SEMA6D: variants seen among roughly 807,000 people sequenced by gnomAD.
SEMA6D encodes the protein semaphorin 6D, also known as semaphorin-6D.
SEMA6D carries 35 observed loss-of-function variants against 106.6 expected under a neutral mutation model. That is an observed-to-expected ratio of 0.33 (90% CI 0.25 to 0.44). SEMA6D has a LOEUF of 0.44. SEMA6D is among the 20% of genes least tolerant of loss of function. SEMA6D has a pLI of 1.00. For missense variants in SEMA6D, 1,185 were observed against 1,345.9 expected (o/e 0.88, Z 1.87); for synonymous variants, 499 against 487.7 (o/e 1.02, Z -0.31).
At position 47,772,070 on chromosome 15, in the gene SEMA6D, G is replaced by T. The variant is rs1165954621; in HGVS notation, c.*285G>T. ...ACAGGGGCTACCTTACCAGTATAAA[G>T]AGCTGATAACAGTACTCAGAAGAAT... On this transcript the variant is annotated 3_prime_UTR_variant, in exon 19 of 19. Transcript: ENST00000536845. The T allele has an allele frequency of 1.0e-4, 41 of 396,298 alleles. No individual in the cohort carries two copies. In the East Asian group the frequency reaches 1.6e-3, roughly 16 times the overall value. The allele number at this position is 396,298 out of a possible 1,614,324, so 24.5% of individuals were successfully genotyped here. A position where few individuals can be genotyped will look rare whatever the true frequency, so the allele number is the denominator to read the frequency against.
chr15:47,572,256 A>G (rs958881993), intron 3 of SEMA6D, among the ~76,000 whole-genome samples: 1 of 152,162 alleles, frequency 6.6e-6, no homozygotes, highest in Non-Finnish European at 1.5e-5. Context: ...ATATCAAATG[A>G]GGTTTATAGG....
chr15:47,297,247 T>A (rs2035840168), intron 1 of SEMA6D, among the ~76,000 whole-genome samples: 1 of 152,200 alleles, frequency 6.6e-6, no homozygotes, highest in Non-Finnish European at 1.5e-5. Context: ...AAAACATTTT[T>A]ATGATTTCTC....
At chr15:47,385,590 A>G (rs1384481146) in intron 1 of SEMA6D, among the ~76,000 whole-genome samples, 1 of 152,186 alleles carries the variant, frequency 6.6e-6, no homozygotes. Context: ...CTCAAAGCGT[A>G]CAGGTCCAGA....
At chr15:47,370,685 A>T (rs1310593851) in intron 1 of SEMA6D, among the ~76,000 whole-genome samples, 1 of 19,052 alleles carries the variant, frequency 5.2e-5, no homozygotes, top group Non-Finnish European at 1.9e-4. Flanking sequence ...TCTCTACTTA[A>T]AAAAAAAAAA....
intron 1 of SEMA6D, among the ~76,000 whole-genome samples, chr15:47,288,821 C>T (rs1018437326): frequency 1.3e-5 from 2 of 152,200 alleles, no homozygotes; most frequent in Non-Finnish European, 2.9e-5. Flanking sequence ...CACTCCACAG[C>T]CCACACTCTT....
intron 3 of SEMA6D, among the ~76,000 whole-genome samples, chr15:47,517,042 CTTGTT>C (rs1313418215): frequency 6.6e-6 from 1 of 152,126 alleles, no homozygotes; most frequent in Non-Finnish European, 1.5e-5. Context: ...GTGCTACTCT[CTTGTT>C]TTGTAGCTTC....
chr15:47,731,725 C>T (rs2080136935), intron 1 of SEMA6D, among the ~76,000 whole-genome samples: 1 of 152,136 alleles, frequency 6.6e-6, no homozygotes, highest in South Asian at 2.1e-4. Flanking sequence ...CACAATTATT[C>T]CTGCTGTCTT....
At chr15:47,403,317 C>A (rs1444917742) in intron 1 of SEMA6D, among the ~76,000 whole-genome samples, 1 of 152,112 alleles carries the variant, frequency 6.6e-6, no homozygotes, top group Admixed American at 6.6e-5. Context: ...GAGGAGAAGA[C>A]CCCAGCAATG....
intron 1 of SEMA6D, among the ~76,000 whole-genome samples, chr15:47,369,678 T>A (rs2039198020): frequency 6.6e-6 from 1 of 152,224 alleles, no homozygotes; most frequent in Non-Finnish European, 1.5e-5. Context: ...AGAATTGTGT[T>A]GGATTACCAG....
intron 1 of SEMA6D, among the ~76,000 whole-genome samples, chr15:47,316,065 T>A (rs2036657732): frequency 6.6e-6 from 1 of 150,576 alleles, no homozygotes; most frequent in Non-Finnish European, 1.5e-5. Flanking sequence ...AAGGACAGTT[T>A]TATTTCTTGC....
chr15:47,215,353 A>T (rs983511489), intron 1 of SEMA6D, among the ~76,000 whole-genome samples: 2 of 151,920 alleles, frequency 1.3e-5, no homozygotes. Flanking sequence ...CAGATATATT[A>T]AAGGGGGTTG....
At chr15:47,515,961 G>A (rs2044374598) in intron 3 of SEMA6D, among the ~76,000 whole-genome samples, 1 of 152,120 alleles carries the variant, frequency 6.6e-6, no homozygotes, top group African/African-American at 2.4e-5. Flanking sequence ...CTATAATTTG[G>A]GTGGGTCTGA....
chr15:47,653,842 A>G (rs1159897927), intron 4 of SEMA6D, among the ~76,000 whole-genome samples: 1 of 152,208 alleles, frequency 6.6e-6, no homozygotes, highest in East Asian at 1.9e-4. Context: ...CGAATGGAAA[A>G]TTAATCAGGG....
At chr15:47,558,058 C>A (rs918647871) in intron 3 of SEMA6D, among the ~76,000 whole-genome samples, 13 of 152,064 alleles carry the variant, frequency 8.5e-5, no homozygotes, top group African/African-American at 2.7e-4. Context: ...GTCCGTAGAC[C>A]TCTGATACTC....
chr15:47,737,145 A>C (rs1021247532), intron 1 of SEMA6D, among the ~76,000 whole-genome samples: 1 of 152,196 alleles, frequency 6.6e-6, no homozygotes, highest in Admixed American at 6.5e-5. Context: ...TTTAGCTGAA[A>C]TCTCTTAATT....
chr15:47,665,896 T>C (rs927164587), intron 4 of SEMA6D, among the ~76,000 whole-genome samples: 1 of 152,246 alleles, frequency 6.6e-6, no homozygotes, highest in African/African-American at 2.4e-5. Flanking sequence ...ACTCCCATTT[T>C]TGCAGATGAA....
intron 1 of SEMA6D, chr15:47,274,373 AG>A (rs934693079): frequency 3.3e-5 from 5 of 152,212 alleles, no homozygotes; most frequent in Admixed American, 1.3e-4. Flanking sequence ...TTCATTAACC[AG>A]TATATAAAGA....
chr15:47,294,805 T>C (rs2035740866), intron 1 of SEMA6D, among the ~76,000 whole-genome samples: 1 of 152,186 alleles, frequency 6.6e-6, no homozygotes. Context: ...ATGTATACGT[T>C]GTTTAAATGT....
intron 1 of SEMA6D, among the ~76,000 whole-genome samples, chr15:47,219,770 C>T (rs1260756456): frequency 1.3e-5 from 2 of 152,198 alleles, no homozygotes; most frequent in South Asian, 2.1e-4. Context: ...GTATTTAGCT[C>T]ATAATTATGT....
Sources: gnomAD v4.1 joint callset for allele counts (sites outside exome capture counted in the v4.1 genomes callset) on GRCh38, gnomAD v4.1.1 for gene constraint, MANE v1.5 for transcripts, NCBI Gene and HGNC (gene_info 2026-07-23, HGNC 2026-07-21) for gene names.